SAXO1: variants seen among roughly 807,000 people sequenced by gnomAD.
The protein encoded by SAXO1 is 4930500O09Rik.
In SAXO1, 21 loss-of-function variants were observed where a neutral mutation model predicts 17.5. That is an observed-to-expected ratio of 1.20 (90% CI 0.85 to 1.72). The LOEUF (loss-of-function observed/expected upper bound fraction) is 1.72. Among genes scored for constraint, SAXO1 ranks in the 40% most tolerant of loss-of-function variants. The probability of loss-of-function intolerance (pLI) is 0.00; values close to 1 mark genes in which losing one functional copy is unlikely to be tolerated. For synonymous variants in SAXO1, 274 were observed against 216.5 expected (o/e 1.27, Z -2.33); for missense variants, 843 against 596.0 (o/e 1.41, Z -4.32).
intron 3 of SAXO1, among the ~76,000 whole-genome samples, chr9:18,932,485 TTTTCAAAAA>T (rs1831097565): frequency 6.6e-6 from 1 of 152,248 alleles, no homozygotes; most frequent in South Asian, 2.1e-4. Flanking sequence ...TAGTTCTTAT[TTTTCAAAAA>T]TACTTTCAGC....
intron 1 of SAXO1, among the ~76,000 whole-genome samples, chr9:18,996,955 T>G (rs894312640): frequency 1.3e-5 from 2 of 151,826 alleles, no homozygotes; most frequent in African/African-American, 4.8e-5. Context: ...AAAAAAAATC[T>G]AGGCAAATTT....
chr9:18,959,773 GA>G (rs11304810), intron 1 of SAXO1, among the ~76,000 whole-genome samples: 22,745 of 134,422 alleles, frequency 0.17, 3,592 homozygotes, highest in African/African-American at 0.43. Context: ...CTCTGTCTAA[GA>G]AAAAAAAAAA....
intron 1 of SAXO1, among the ~76,000 whole-genome samples, chr9:18,960,402 G>A (rs1832436163): frequency 6.6e-6 from 1 of 152,056 alleles, no homozygotes; most frequent in Admixed American, 6.6e-5. Flanking sequence ...CACTCTGCCT[G>A]GAAGCCTATT....
In SAXO1 at chr9:18,941,816, A is replaced by G. The variant is rs1405970610; in HGVS notation, c.242T>C (p.Val81Ala). 5.0e-6 allele frequency: 8 copies of G among 1,614,154 alleles called. No individual in the cohort carries two copies. The highest frequency in any genetic ancestry group is 6.8e-6 in the Non-Finnish European group (8 of 1,180,018). Residue 81 changes from valine (V) to alanine (A), a missense_variant, in exon 3 of 4, where the codon GTG becomes GCG. Val to Ala is a moderately conservative substitution (Grantham distance 64). Coordinates refer to ENST00000380534, the MANE Select transcript of SAXO1 (RefSeq NM_153707.4). ...TSRRDFGPHK[V>A]APVKVHQYDQ... ...ATACTGGTGGACCTTCACTGGTGCC[A>G]CTTTGTGAGGCCCAAAATCTCTCCT...
rs114788558 is a variant in SAXO1 at position 19,000,409 on chromosome 9, C to T, written c.38+32462G>A. On this transcript the variant is annotated intron_variant, in intron 1 of 3. Transcript: ENST00000380534. ...GAAGTGAGGAGCGCCTCCACCTGGCCGCCCACAGTCTGGGAAGTGAGGAAT... is the reference window on the plus strand; with the variant it reads ...GAAGTGAGGAGCGCCTCCACCTGGCTGCCCACAGTCTGGGAAGTGAGGAAT... Among the ~76,000 whole-genome samples, 746 of 147,256 alleles carry T rather than the reference C, an allele frequency of 5.1e-3. 3 individuals carry two copies. The highest frequency in any genetic ancestry group is 0.016 in the African/African-American group (651 of 39,862).
intron 1 of SAXO1, among the ~76,000 whole-genome samples, chr9:19,014,838 G>C (rs907666836): frequency 1.3e-5 from 2 of 152,174 alleles, no homozygotes; most frequent in East Asian, 3.8e-4. Flanking sequence ...CAGTGCTGCT[G>C]AGGGTCAGTG....
chr9:19,036,963 G>A (rs948094590), upstream of SAXO1, among the ~76,000 whole-genome samples: 1 of 152,312 alleles, frequency 6.6e-6, no homozygotes, highest in East Asian at 1.9e-4. Flanking sequence ...GGGAGGAGCT[G>A]TCCAAGACCA....
intron 1 of SAXO1, among the ~76,000 whole-genome samples, chr9:18,957,103 G>C (rs1289658454): frequency 6.6e-6 from 1 of 152,176 alleles, no homozygotes; most frequent in Non-Finnish European, 1.5e-5. Context: ...TAAATAGTAT[G>C]TCTGCCCTTC....
chr9:18,982,825 T>A (rs1833448930), intron 1 of SAXO1, among the ~76,000 whole-genome samples: 2 of 152,238 alleles, frequency 1.3e-5, no homozygotes, highest in Admixed American at 6.5e-5. Context: ...ATACCAAGCC[T>A]GTGATCATTT....
chr9:19,002,925 T>C (rs1039838971), intron 1 of SAXO1, among the ~76,000 whole-genome samples: 1 of 152,186 alleles, frequency 6.6e-6, no homozygotes, highest in African/African-American at 2.4e-5. Context: ...ATAAAAGGTA[T>C]TCAATTAAGC....
intron 1 of SAXO1, among the ~76,000 whole-genome samples, chr9:19,007,436 T>C (rs1428024682): frequency 6.6e-6 from 1 of 152,228 alleles, no homozygotes; most frequent in Non-Finnish European, 1.5e-5. Context: ...TTCAACTTTT[T>C]AAAATACGGA....
intron 3 of SAXO1, among the ~76,000 whole-genome samples, chr9:18,932,601 C>A (rs1831102154): frequency 6.6e-6 from 1 of 152,214 alleles, no homozygotes; most frequent in Non-Finnish European, 1.5e-5. Context: ...ATAGGAATTG[C>A]ATTGAATCTA....
At chr9:18,959,050 G>C (rs1005235886) in intron 1 of SAXO1, among the ~76,000 whole-genome samples, 16 of 152,146 alleles carry the variant, frequency 1.1e-4, no homozygotes, top group Non-Finnish European at 1.5e-4. Context: ...TGAGGGCTGG[G>C]AAAAAGACAT....
At chr9:19,021,654 T>A (rs111728533) in intron 1 of SAXO1, among the ~76,000 whole-genome samples, 2 of 152,220 alleles carry the variant, frequency 1.3e-5, no homozygotes, top group African/African-American at 4.8e-5. Flanking sequence ...AATCCAGGAC[T>A]GCAATCCCAA....
chr9:18,953,075 C>T (rs942438509), intron 1 of SAXO1, among the ~76,000 whole-genome samples: 2 of 152,136 alleles, frequency 1.3e-5, no homozygotes, highest in Admixed American at 6.5e-5. Flanking sequence ...CAACTAGTAC[C>T]CTATCATTTT....
At chr9:19,008,300 G>T (rs1263754299) in intron 1 of SAXO1, among the ~76,000 whole-genome samples, 1 of 152,104 alleles carries the variant, frequency 6.6e-6, no homozygotes, top group Non-Finnish European at 1.5e-5. Context: ...TATAGAAAAA[G>T]ATTGCTGATT....
In SAXO1 at chr9:18,965,019, T is replaced by G. The variant is rs183429756; in HGVS notation, c.39-14082A>C. Among the ~76,000 whole-genome samples the G allele has an allele frequency of 1.9e-4, 29 of 152,368 alleles. No individual in the cohort carries two copies. In the East Asian group the frequency reaches 2.1e-3, roughly 11 times the overall value. ...TGCCTTAACTTCGTTATTTACCCAG[T>G]AGACATTCAGGAGCAGGTTGTTCAG... On this transcript the variant is annotated intron_variant, in intron 1 of 3. Transcript: ENST00000380534.
At chr9:19,041,454 G>A (rs548960766) in intron 1 of SAXO1, among the ~76,000 whole-genome samples, 1 of 152,168 alleles carries the variant, frequency 6.6e-6, no homozygotes, top group Admixed American at 6.5e-5. Context: ...ATCCTAAAAT[G>A]TATATGGAAC....
At chr9:18,963,237 C>T (rs1425348214) in intron 1 of SAXO1, among the ~76,000 whole-genome samples, 1 of 152,182 alleles carries the variant, frequency 6.6e-6, no homozygotes, top group Non-Finnish European at 1.5e-5. Flanking sequence ...CAGCATGATG[C>T]CTCCAGCTTT....
Sources: gnomAD v4.1 joint callset for allele counts (sites outside exome capture counted in the v4.1 genomes callset) on GRCh38, gnomAD v4.1.1 for gene constraint, MANE v1.5 for transcripts, NCBI Gene and HGNC (gene_info 2026-07-23, HGNC 2026-07-21) for gene names.